Variants in PTPRN2 observed in about 807,000 individuals in gnomAD.
PTPRN2 encodes the protein receptor-type tyrosine-protein phosphatase N2.
In PTPRN2, 74 loss-of-function variants were observed where a neutral mutation model predicts 118.8. The ratio of observed to expected loss-of-function variants is 0.62; its 90% CI spans 0.52 to 0.76. The LOEUF (loss-of-function observed/expected upper bound fraction) is 0.76. PTPRN2 is among the 30% of genes least tolerant of loss of function. The probability of loss-of-function intolerance (pLI) is 0.00; values close to 1 mark genes in which losing one functional copy is unlikely to be tolerated. For missense variants in PTPRN2, 1,481 were observed against 1,394.4 expected, an observed-to-expected ratio of 1.06 and a Z score of -0.99; for synonymous variants, 641 against 608.0, an observed-to-expected ratio of 1.05 and a Z score of -0.80.
chr7:157,844,942 C>G (rs1808694725), intron 12 of PTPRN2, among the ~76,000 whole-genome samples: 1 of 151,656 alleles, frequency 6.6e-6, no homozygotes, highest in South Asian at 2.1e-4. Context: ...TTTTCTTATT[C>G]TGGCCTGTGG....
chr7:157,855,944 C>G (rs894038698), intron 12 of PTPRN2: 1 of 152,192 alleles, frequency 6.6e-6, no homozygotes, highest in African/African-American at 2.4e-5. Flanking sequence ...GAGGCCTGGC[C>G]GGAAGTGCAG....
chr7:157,682,661 C>G, intron 13 of PTPRN2, 64 bp downstream of exon 13: 1 of 1,480,554 alleles, frequency 6.8e-7, no homozygotes. Context: ...CAGAGAGGAA[C>G]GCCATCATCT....
chr7:157,596,698 C>T lies in PTPRN2; in HGVS notation c.2419-1383G>A, dbSNP rs547165086. Among the ~76,000 whole-genome samples the T allele has an allele frequency of 1.4e-4, 22 of 152,292 alleles. No individual in the cohort carries two copies. Among genetic ancestry groups the T allele is most frequent in the South Asian group, 8.3e-4 (4 of 4,826 alleles). On this transcript the variant is annotated intron_variant, in intron 16 of 22. Transcript: ENST00000389418. The surrounding 1 kb of genome is among the most constrained non-coding windows in gnomAD (Gnocchi z 4.2). ...AGAAGCATCTGCAGAGACCGACCCC[C>T]GGAGAGCCGGATGCTGCGCTGGGGG...
intron 11 of PTPRN2, among the ~76,000 whole-genome samples, chr7:158,069,151 A>G (rs1811013221): frequency 6.6e-6 from 1 of 152,176 alleles, no homozygotes; most frequent in South Asian, 2.1e-4. Context: ...AGTGCCTGAC[A>G]CGGTGGGTCT....
Position 158,014,422 on chromosome 7 carries a change from C to T in PTPRN2, c.1723+66876G>A, listed in dbSNP as rs1585203712. Among the ~76,000 whole-genome samples the T allele has an allele frequency of 2.6e-5, 4 of 151,320 alleles. No individual in the cohort carries two copies. In the East Asian group the frequency reaches 7.8e-4, roughly 30 times the overall value. The stretch of plus-strand genomic sequence containing the variant: ...ATCCACCCATTCATCAAACAATCCA[C>T]CTGCTCATCTATTCATCCATCCCTC... On this transcript the variant is annotated intron_variant, in intron 11 of 22. Transcript: ENST00000389418.
At chr7:158,478,031 C>G (rs1820388629) in intron 2 of PTPRN2, among the ~76,000 whole-genome samples, 1 of 152,216 alleles carries the variant, frequency 6.6e-6, no homozygotes, top group Non-Finnish European at 1.5e-5. Context: ...GGACCGAGAG[C>G]CTGTGGGGCA....
rs1230290358 is a variant in PTPRN2, at chr7:157,964,861, CAG to C, written c.1724-66126_1724-66125del. Among the ~76,000 whole-genome samples the C allele has an allele frequency of 6.6e-6, 1 of 152,224 alleles. No homozygotes were observed. Among genetic ancestry groups the C allele is most frequent in the Non-Finnish European group, 1.5e-5 (1 of 68,044 alleles). On this transcript the variant is annotated intron_variant, in intron 11 of 22. Coordinates refer to ENST00000389418, the MANE Select transcript of PTPRN2 (RefSeq NM_002847.5). This position sits in a 1 kb window ranked among gnomAD's most constrained non-coding sequence, Gnocchi z 9.0. ...CTCTTGCCCCAATTTCTCCACCGCA[CAG>C]ACTCGCCAGGGCTTTGGTTTGTGAG...
At chr7:158,467,925 C>G (rs1819507481) in intron 2 of PTPRN2, among the ~76,000 whole-genome samples, 1 of 152,158 alleles carries the variant, frequency 6.6e-6, no homozygotes, top group African/African-American at 2.4e-5. Flanking sequence ...TGTTCAAATT[C>G]TTGCTTTCAC....
At chr7:157,770,338 C>T (rs1295266250) in intron 12 of PTPRN2, among the ~76,000 whole-genome samples, 7 of 152,182 alleles carry the variant, frequency 4.6e-5, no homozygotes, top group Non-Finnish European at 8.8e-5. Flanking sequence ...TTAATGATAA[C>T]GCTAATTAAA....
intron 11 of PTPRN2, among the ~76,000 whole-genome samples, chr7:158,014,863 C>T (rs1286913406): frequency 1.4e-5 from 2 of 145,196 alleles, no homozygotes; most frequent in African/African-American, 2.5e-5. Context: ...CACCCATTCA[C>T]CTGTTCATTC....
At position 157,874,866 on chromosome 7, in the gene PTPRN2, C is replaced by T. The variant is rs750322944; in HGVS notation, c.1788+23807G>A. Among the ~76,000 whole-genome samples the T allele has an allele frequency of 7.9e-5, 12 of 152,022 alleles. No individual in the cohort carries two copies. Among genetic ancestry groups the T allele is most frequent in the South Asian group, 6.2e-4 (3 of 4,808 alleles). ...GCACATATACACACGGAGACACACT[C>T]GTGCACATACACACACGGAGACACA... is the stretch of plus-strand genomic sequence containing the variant. On this transcript the variant is annotated intron_variant, in intron 12 of 22. Coordinates refer to ENST00000389418, the MANE Select transcript of PTPRN2 (RefSeq NM_002847.5). The surrounding 1 kb of genome is among the most constrained non-coding windows in gnomAD (Gnocchi z 5.8).
chr7:157,699,456 C>T (rs746675987), intron 12 of PTPRN2, among the ~76,000 whole-genome samples: 12 of 152,100 alleles, frequency 7.9e-5, no homozygotes, highest in East Asian at 3.8e-4. Context: ...TTTACTGAGA[C>T]GGAGTCTTGC....
intron 8 of PTPRN2, among the ~76,000 whole-genome samples, chr7:158,135,059 G>A (rs761997617): frequency 6.6e-6 from 1 of 152,112 alleles, no homozygotes; most frequent in Non-Finnish European, 1.5e-5. Context: ...GCACATACCA[G>A]GCAACCCACG....
intron 11 of PTPRN2, among the ~76,000 whole-genome samples, chr7:158,047,040 C>A (rs1156608137): frequency 2.6e-5 from 4 of 152,238 alleles, no homozygotes; most frequent in African/African-American, 9.6e-5. Context: ...ACGCCCCCGC[C>A]CCTCGCCCCG....
At chr7:158,456,709 G>A (rs563803491) in intron 2 of PTPRN2, among the ~76,000 whole-genome samples, 5 of 152,370 alleles carry the variant, frequency 3.3e-5, no homozygotes, top group African/African-American at 7.2e-5. Flanking sequence ...GGTTGAGGGT[G>A]GAGTCAGTTA....
At chr7:158,375,324 G>C (rs968723599) in intron 2 of PTPRN2, among the ~76,000 whole-genome samples, 1 of 152,198 alleles carries the variant, frequency 6.6e-6, no homozygotes, top group Admixed American at 6.5e-5. Context: ...AGAGTACCCA[G>C]GACACAGGCA....
intron 1 of PTPRN2, among the ~76,000 whole-genome samples, chr7:158,527,506 G>A (rs1824878044): frequency 6.6e-6 from 1 of 152,214 alleles, no homozygotes; most frequent in Admixed American, 6.5e-5. Context: ...GCCATGGGCT[G>A]GCCTCTCCAT....
chr7:157,586,702 A>G (rs905541083), intron 17 of PTPRN2, among the ~76,000 whole-genome samples: 1 of 151,946 alleles, frequency 6.6e-6, no homozygotes, highest in African/African-American at 2.4e-5. Flanking sequence ...CCTGTCCTGG[A>G]GACTCAGGGG....
At position 158,529,313 on chromosome 7, in the gene PTPRN2, C is replaced by T. The variant is rs981649403; in HGVS notation, c.113-39528G>A. On this transcript the variant is annotated intron_variant, in intron 1 of 22. Coordinates refer to ENST00000389418, the MANE Select transcript of PTPRN2 (RefSeq NM_002847.5). The surrounding 1 kb of genome is among the most constrained non-coding windows in gnomAD (Gnocchi z 4.7). ...ATCATCTCCATTTTGCTTTGGAATG[C>T]GTGGCATCTCTGCTGTGCAGGTGCT... Among the ~76,000 whole-genome samples, 6 of 152,246 alleles carry T rather than the reference C, an allele frequency of 3.9e-5. No individual in the cohort carries two copies. The highest frequency in any genetic ancestry group is 1.4e-4 in the African/African-American group (6 of 41,462).
Sources: allele counts gnomAD v4.1 joint callset (sites outside exome capture counted in the v4.1 genomes callset), GRCh38; gene constraint gnomAD v4.1.1; non-coding constraint Gnocchi (gnomAD v3.1); transcripts MANE v1.5; gene names NCBI Gene and HGNC (gene_info 2026-07-23, HGNC 2026-07-21).